Variants in NAALADL2 observed in about 807,000 individuals in gnomAD.
NAALADL2 encodes inactive N-acetylated-alpha-linked acidic dipeptidase-like protein 2.
A neutral mutation model predicts 87.2 loss-of-function variants in NAALADL2; 76 were observed. The ratio of observed to expected loss-of-function variants is 0.87; its 90% CI spans 0.72 to 1.05. The LOEUF is 1.05. Ranked by LOEUF, NAALADL2 falls within the 50% of genes least tolerant of loss-of-function variation. The probability of loss-of-function intolerance (pLI) is 0.00; values close to 1 mark genes in which losing one functional copy is unlikely to be tolerated. For missense variants in NAALADL2, 1,089 were observed against 945.8 expected (o/e 1.15, Z -1.99); for synonymous variants, 354 against 331.0 (o/e 1.07, Z -0.75).
rs140339196 is a variant in NAALADL2, at chr3:174,618,593, T to C, written c.-115+67956T>C. ...ATCTACTGAAAGTTACTAAGAATCATGTGACCATTTCTGCAGTGTTACAGG... is the reference window on the plus strand; with the variant it reads ...ATCTACTGAAAGTTACTAAGAATCACGTGACCATTTCTGCAGTGTTACAGG... On this transcript the variant is annotated intron_variant, in intron 2 of 3. Transcript: ENST00000434257. Among the ~76,000 whole-genome samples, 377 of 151,938 alleles carry C rather than the reference T, an allele frequency of 2.5e-3. 2 individuals are homozygous for C. Among genetic ancestry groups the C allele is most frequent in the African/African-American group, 8.6e-3 (357 of 41,546 alleles).
At position 175,607,376 on chromosome 3, in the gene NAALADL2, C is replaced by T. The variant is rs144045122; in HGVS notation, c.1801-19915C>T. Among the ~76,000 whole-genome samples, 890 of 151,996 alleles carry T rather than the reference C, an allele frequency of 5.9e-3. 11 individuals carry two copies. The highest frequency in any genetic ancestry group is 0.02 in the African/African-American group (823 of 41,468). ...TATAATTCATAATTATGCTTTTTTC[C>T]TTCCACTCTGCTAACTTTATACATA... On this transcript the variant is annotated intron_variant, in intron 10 of 13. Transcript: ENST00000454872.
chr3:175,434,271 A>G (rs1438616146), intron 5 of NAALADL2, among the ~76,000 whole-genome samples: 2 of 152,020 alleles, frequency 1.3e-5, no homozygotes, highest in Non-Finnish European at 2.9e-5. Context: ...TGCTGTATAT[A>G]TGATGCGTTT....
At chr3:174,925,195 TG>T (rs1464788533) in intron 1 of NAALADL2, among the ~76,000 whole-genome samples, 3 of 152,226 alleles carry the variant, frequency 2.0e-5, no homozygotes, top group Non-Finnish European at 4.4e-5. Flanking sequence ...AGGGTTTTTA[TG>T]GTTTTAGGTC....
intron 2 of NAALADL2, among the ~76,000 whole-genome samples, chr3:175,191,159 G>A (rs981975369): frequency 1.3e-5 from 2 of 152,112 alleles, no homozygotes; most frequent in African/African-American, 2.4e-5. Context: ...CTAACTATGT[G>A]AGATGATGAA....
At chr3:174,855,879 TAC>T (rs1257469426), upstream of NAALADL2, among the ~76,000 whole-genome samples, 3,276 of 145,952 alleles carry the variant, frequency 0.022, 195 homozygotes, top group African/African-American at 0.08. Flanking sequence ...TATATATACA[TAC>T]ATATGAATAT....
At chr3:175,781,424 T>C (rs1016808461) in intron 13 of NAALADL2, among the ~76,000 whole-genome samples, 6 of 152,114 alleles carry the variant, frequency 3.9e-5, no homozygotes, top group African/African-American at 1.2e-4. Flanking sequence ...GTAGTGATGA[T>C]GGTATAAACA....
At chr3:175,355,123 C>T (rs757879380) in intron 5 of NAALADL2, among the ~76,000 whole-genome samples, 13 of 150,152 alleles carry the variant, frequency 8.7e-5, no homozygotes, top group Non-Finnish European at 1.9e-4. Context: ...GGCTGGAGTG[C>T]AGTTGCATGA....
intron 5 of NAALADL2, among the ~76,000 whole-genome samples, chr3:175,331,360 C>T (rs1267665389): frequency 1.3e-5 from 2 of 152,138 alleles, no homozygotes; most frequent in African/African-American, 4.8e-5. Context: ...GAATAAACTA[C>T]AGATCAATAT....
chr3:174,730,435 G>T (rs1049355769), intron 2 of NAALADL2, among the ~76,000 whole-genome samples: 1 of 151,988 alleles, frequency 6.6e-6, no homozygotes, highest in Non-Finnish European at 1.5e-5. Context: ...CATTTATGCT[G>T]TTACACAGCA....
intron 2 of NAALADL2, among the ~76,000 whole-genome samples, chr3:174,706,097 T>A (rs1730043465): frequency 6.6e-6 from 1 of 152,196 alleles, no homozygotes. Flanking sequence ...TTTGTATTAG[T>A]AAAAGTTTAA....
At chr3:174,631,545 A>G (rs545866741) in intron 2 of NAALADL2, among the ~76,000 whole-genome samples, 1 of 152,336 alleles carries the variant, frequency 6.6e-6, no homozygotes, top group Non-Finnish European at 1.5e-5. Flanking sequence ...GGAAAATAAT[A>G]AAAGTGGGTA....
intron 3 of NAALADL2, among the ~76,000 whole-genome samples, chr3:174,757,356 G>T (rs1712240793): frequency 6.6e-6 from 1 of 152,150 alleles, no homozygotes; most frequent in African/African-American, 2.4e-5. Flanking sequence ...AGATGAGGAG[G>T]TGTTAAAGTG....
chr3:175,339,011 G>C (rs1464578459), intron 5 of NAALADL2, among the ~76,000 whole-genome samples: 3 of 152,178 alleles, frequency 2.0e-5, no homozygotes, highest in Non-Finnish European at 2.9e-5. Flanking sequence ...GTTTGAAAGC[G>C]TCACTGAAAC....
At chr3:174,943,959 G>A (rs1029321529) in intron 1 of NAALADL2, among the ~76,000 whole-genome samples, 1 of 152,238 alleles carries the variant, frequency 6.6e-6, no homozygotes, top group South Asian at 2.1e-4. Flanking sequence ...GCTCTGGCAG[G>A]GGGTAACTGG....
chr3:174,868,074 C>G (rs981059082), intron 1 of NAALADL2, among the ~76,000 whole-genome samples: 1 of 151,954 alleles, frequency 6.6e-6, no homozygotes. Context: ...AGGCTTCAGA[C>G]ATAATGCTAA....
intron 1 of NAALADL2, among the ~76,000 whole-genome samples, chr3:175,053,891 G>A (rs115123777): frequency 0.099 from 15,085 of 152,254 alleles, 928 homozygotes; most frequent in East Asian, 0.21. Flanking sequence ...ATTAGATATT[G>A]CATTAGCAAC....
chr3:174,869,085 G>A (rs373773114), intron 1 of NAALADL2, among the ~76,000 whole-genome samples: 16 of 152,082 alleles, frequency 1.1e-4, no homozygotes, highest in African/African-American at 3.9e-4. Flanking sequence ...TATTTAAAAT[G>A]AGTGAGAAAT....
At chr3:175,793,475 A>G (rs1753069740) in intron 13 of NAALADL2, among the ~76,000 whole-genome samples, 4 of 150,324 alleles carry the variant, frequency 2.7e-5, no homozygotes, top group Admixed American at 2.7e-4. Context: ...GCGCCCGGCT[A>G]ATTTTTTTTT....
At chr3:175,528,171 G>T (rs1733663434) in intron 9 of NAALADL2, among the ~76,000 whole-genome samples, 2 of 151,778 alleles carry the variant, frequency 1.3e-5, no homozygotes, top group African/African-American at 4.8e-5. Context: ...GGATATACAT[G>T]TATATATATA....
Sources: allele counts gnomAD v4.1 joint callset (sites outside exome capture counted in the v4.1 genomes callset), GRCh38; gene constraint gnomAD v4.1.1; transcripts MANE v1.5; gene names NCBI Gene and HGNC (gene_info 2026-07-23, HGNC 2026-07-21).